The following TECPR2 variants were observed in gnomAD, a reference collection of about 807,000 sequenced individuals.
The protein encoded by TECPR2 is tectonin beta-propeller repeat-containing protein 2.
Under a neutral mutation model 138.1 loss-of-function variants are expected in TECPR2, and 65 were observed. The ratio of observed to expected loss-of-function variants is 0.47; its 90% confidence interval spans 0.39 to 0.58. The LOEUF (loss-of-function observed/expected upper bound fraction) is 0.58. Ranked by LOEUF, TECPR2 falls within the 20% of genes least tolerant of loss-of-function variation. The pLI, the probability that TECPR2 is intolerant of heterozygous loss-of-function variation, is 0.00. For synonymous variants in TECPR2, 746 were observed against 749.8 expected (o/e 0.99, Z 0.08); for missense variants, 1,553 against 1,824.5 (o/e 0.85, Z 2.71).
chr14:102,363,717 G>C (rs1249260964), intron 1 of TECPR2, among the ~76,000 whole-genome samples: 1 of 152,242 alleles, frequency 6.6e-6, no homozygotes, highest in African/African-American at 2.4e-5. Flanking sequence ...TCCTAGCTCT[G>C]TGCTGGGGCA....
chr14:102,415,646 G>T lies in TECPR2; in HGVS notation c.638+853G>T, dbSNP rs1889003126. On this transcript the variant is annotated intron_variant, in intron 5 of 19. Coordinates refer to ENST00000359520, the MANE Select transcript of TECPR2 (RefSeq NM_014844.5). The surrounding 1 kb of genome is among the most constrained non-coding windows in gnomAD (Gnocchi z 4.3). ...GAGGTAGACTGGGGCCAACGTGGGG[G>T]TGGGAAGCAGAGGGCGGCATTAGTA... Among the ~76,000 whole-genome samples the T allele has an allele frequency of 1.3e-5, 2 of 152,136 alleles. No homozygotes were observed. Among genetic ancestry groups the T allele is most frequent in the South Asian group, 4.1e-4 (2 of 4,824 alleles).
chr14:102,468,311 C>T (rs1890593331), intron 17 of TECPR2, among the ~76,000 whole-genome samples: 1 of 152,132 alleles, frequency 6.6e-6, no homozygotes, highest in Admixed American at 6.5e-5. Flanking sequence ...CCTCAGTCTC[C>T]TGAGTAGCTA....
intron 1 of TECPR2, among the ~76,000 whole-genome samples, chr14:102,375,345 C>CA (rs372672741): frequency 4.7e-5 from 7 of 147,746 alleles, no homozygotes; most frequent in Non-Finnish European, 9.0e-5. Context: ...GACTGTGTCT[C>CA]AAAAAAAAAG....
intron 13 of TECPR2, 141 bp from the exon 14 acceptor site, chr14:102,449,488 C>T (rs1054154958): frequency 3.4e-5 from 46 of 1,352,944 alleles, no homozygotes; most frequent in East Asian, 3.0e-4. Flanking sequence ...CAAGCGCACA[C>T]GTGCACATTT....
At chr14:102,401,531 G>A (rs181191564) in intron 2 of TECPR2, among the ~76,000 whole-genome samples, 25 of 151,686 alleles carry the variant, frequency 1.6e-4, no homozygotes, top group Admixed American at 1.6e-3. Context: ...TGTAATCCCA[G>A]CAGTTTGGGA....
intron 16 of TECPR2, among the ~76,000 whole-genome samples, chr14:102,454,379 C>T (rs947323864): frequency 6.6e-6 from 1 of 152,132 alleles, no homozygotes; most frequent in Non-Finnish European, 1.5e-5. Context: ...TGAAAAGGCC[C>T]CTGAACACTA....
At chr14:102,490,156 CTG>C (rs1343067332) in intron 17 of TECPR2, among the ~76,000 whole-genome samples, 1 of 152,210 alleles carries the variant, frequency 6.6e-6, no homozygotes, top group Non-Finnish European at 1.5e-5. Context: ...TCCTTGGTCA[CTG>C]TGAGCAAACA....
intron 2 of TECPR2, among the ~76,000 whole-genome samples, chr14:102,389,043 T>C (rs1888097842): frequency 6.6e-6 from 1 of 151,390 alleles, no homozygotes; most frequent in Non-Finnish European, 1.5e-5. Context: ...GGCAGGAGAA[T>C]TGCTTGAACC....
intron 17 of TECPR2, among the ~76,000 whole-genome samples, chr14:102,495,489 A>AGG (rs1891255594): frequency 1.3e-5 from 2 of 151,774 alleles, no homozygotes; most frequent in Non-Finnish European, 2.9e-5. Context: ...CCCCCATTCC[A>AGG]GGGGGATGCA....
chr14:102,438,267 C>G (rs183991915), intron 10 of TECPR2, 62 bp downstream of exon 10: 2 of 1,538,452 alleles, frequency 1.3e-6, no homozygotes, highest in Admixed American at 1.9e-5. Flanking sequence ...GCTCCCCGCC[C>G]CCGGGGTGCA....
rs555002085 is a variant in TECPR2, at chr14:102,383,493, C to T, written c.219+6553C>T. 2.0e-5 allele frequency among the ~76,000 whole-genome samples: 3 copies of T among 151,850 alleles called. No homozygotes were observed. In the South Asian group the frequency reaches 6.2e-4, roughly 32 times the overall value. ...AGCGATCTCAGCCCACTGCAATCTC[C>T]GCCTCCTGGGTTCAAGTGATTCTCC... is the stretch of plus-strand genomic sequence containing the variant. On this transcript the variant is annotated intron_variant, in intron 2 of 19. Coordinates refer to ENST00000359520, the MANE Select transcript of TECPR2 (RefSeq NM_014844.5).
chr14:102,441,771 A>G (rs974362415), intron 11 of TECPR2, among the ~76,000 whole-genome samples: 1 of 152,208 alleles, frequency 6.6e-6, no homozygotes, highest in African/African-American at 2.4e-5. Flanking sequence ...ATGGAAGGGC[A>G]CAGTGGGACT....
chr14:102,370,983 T>C (rs1447842406), intron 1 of TECPR2, among the ~76,000 whole-genome samples: 1 of 152,248 alleles, frequency 6.6e-6, no homozygotes, highest in Non-Finnish European at 1.5e-5. Flanking sequence ...TTGACATTGT[T>C]CATTTACTCT....
At chr14:102,444,195 CTTT>C (rs111476747) in intron 12 of TECPR2, among the ~76,000 whole-genome samples, 27 of 138,724 alleles carry the variant, frequency 1.9e-4, no homozygotes, top group Non-Finnish European at 1.7e-4. Flanking sequence ...TGAACTGTAG[CTTT>C]TTTTTTTTTT....
intron 4 of TECPR2, among the ~76,000 whole-genome samples, chr14:102,414,291 T>C (rs1417975361): frequency 6.6e-6 from 1 of 152,232 alleles, no homozygotes; most frequent in Non-Finnish European, 1.5e-5. Flanking sequence ...TGGATTCTTC[T>C]TTGAACTCTC....
intron 2 of TECPR2, among the ~76,000 whole-genome samples, chr14:102,407,080 G>A (rs1487251903): frequency 2.6e-5 from 4 of 152,156 alleles, no homozygotes; most frequent in Non-Finnish European, 2.9e-5. Flanking sequence ...GGCTGGTCTC[G>A]AACTCCTGAC....
At position 102,434,387 on chromosome 14, in the gene TECPR2, C is replaced by T; in HGVS notation, c.1570C>T (p.Pro524Ser). 2 of 1,530,948 alleles carry T rather than the reference C, an allele frequency of 1.3e-6. No homozygotes were observed. Among genetic ancestry groups the T allele is most frequent in the Non-Finnish European group, 8.8e-7 (1 of 1,141,064 alleles). The allele number at this position is 1,530,948 out of a possible 1,614,324, so 94.8% of individuals were successfully genotyped here. ...CGTGGATCAGTTAAGTGCAGAGTCT[C>T]CAGACCAGGAAAGCAGCTTCAATGG... ...SSVDQLSAES[P>S]DQESSFNGEV... Residue 524 changes from proline to serine, a missense_variant, in exon 9 of 20, where the codon CCA becomes TCA. By Grantham distance (74) the Pro-to-Ser change is moderately conservative (BLOSUM62 -1). Coordinates refer to ENST00000359520, the MANE Select transcript of TECPR2 (RefSeq NM_014844.5).
rs528236276 is a variant in TECPR2, at chr14:102,438,987, C to G, written c.2578+782C>G. On this transcript the variant is annotated intron_variant, in intron 10 of 19. Transcript: ENST00000359520. Reference sequence around the variant, plus strand: ...CACTATTCTCCTGCCTCAGCCTCCCCAGTAGCTGGGACTACAGGCACCCGC... The same window carrying G: ...CACTATTCTCCTGCCTCAGCCTCCCGAGTAGCTGGGACTACAGGCACCCGC... Among the ~76,000 whole-genome samples, 5 of 151,812 alleles carry G rather than the reference C, an allele frequency of 3.3e-5. No homozygotes were observed. In the East Asian group the frequency reaches 9.7e-4, roughly 29 times the overall value.
chr14:102,431,714 A>G, intron 7 of TECPR2, 82 bp from the exon 8 acceptor site: 1 of 1,367,796 alleles, frequency 7.3e-7, no homozygotes, highest in South Asian at 1.6e-5. Flanking sequence ...GACAACTGGT[A>G]TTTAGGGCTA....
Sources: allele counts gnomAD v4.1 joint callset (sites outside exome capture counted in the v4.1 genomes callset), GRCh38; gene constraint gnomAD v4.1.1; non-coding constraint Gnocchi (gnomAD v3.1); transcripts MANE v1.5; gene names NCBI Gene and HGNC (gene_info 2026-07-23, HGNC 2026-07-21).